Variants in SLC14A2 observed in about 807,000 individuals in gnomAD.
SLC14A2 encodes the protein urea transporter 2.
SLC14A2 carries 91 observed loss-of-function variants against 104.6 expected under a neutral mutation model. The ratio of observed to expected loss-of-function variants is 0.87; its 90% CI spans 0.73 to 1.04. The LOEUF is 1.04. Ranked by LOEUF, SLC14A2 falls within the 50% of genes least tolerant of loss-of-function variation. The pLI, the probability that SLC14A2 is intolerant of heterozygous loss-of-function variation, is 0.00. For missense variants in SLC14A2, 1,189 were observed against 1,156.0 expected (o/e 1.03, Z -0.41); for synonymous variants, 476 against 466.4 (o/e 1.02, Z -0.27).
intron 1 of SLC14A2, among the ~76,000 whole-genome samples, chr18:45,275,658 A>C (rs1473637359): frequency 6.6e-6 from 1 of 152,236 alleles, no homozygotes; most frequent in East Asian, 1.9e-4. Flanking sequence ...AAGGTGCTCC[A>C]AAAAAGTGAC....
chr18:45,265,012 G>A (rs2084577627), intron 1 of SLC14A2, among the ~76,000 whole-genome samples: 1 of 152,194 alleles, frequency 6.6e-6, no homozygotes, highest in South Asian at 2.1e-4. Context: ...AAGATGGTGA[G>A]AAGTTCAGGA....
At chr18:45,491,908 T>C (rs2043009157) in intron 2 of SLC14A2, among the ~76,000 whole-genome samples, 1 of 152,228 alleles carries the variant, frequency 6.6e-6, no homozygotes, top group East Asian at 1.9e-4. Context: ...GAGCTAGGAA[T>C]GGGGTTTAGA....
intron 18 of SLC14A2, among the ~76,000 whole-genome samples, chr18:45,676,387 C>A (rs1031597886): frequency 2.0e-5 from 3 of 152,140 alleles, no homozygotes; most frequent in African/African-American, 7.2e-5. Context: ...ATCTAGGATA[C>A]CAGCTGGGAA....
intron 1 of SLC14A2, among the ~76,000 whole-genome samples, chr18:45,465,065 A>G (rs1049375178): frequency 1.3e-5 from 2 of 152,206 alleles, no homozygotes; most frequent in African/African-American, 4.8e-5. Flanking sequence ...AGGGACAGCT[A>G]GAGAAATAAT....
chr18:45,487,802 T>C (rs2087637950), intron 2 of SLC14A2, among the ~76,000 whole-genome samples: 2 of 152,160 alleles, frequency 1.3e-5, no homozygotes, highest in Non-Finnish European at 2.9e-5. Flanking sequence ...CTTTAAACTC[T>C]TTCTCTGATT....
At chr18:45,489,254 T>C (rs2087673130) in intron 2 of SLC14A2, among the ~76,000 whole-genome samples, 1 of 152,194 alleles carries the variant, frequency 6.6e-6, no homozygotes, top group South Asian at 2.1e-4. Context: ...ATGCTACTTA[T>C]AATCCCAGCA....
intron 2 of SLC14A2, among the ~76,000 whole-genome samples, chr18:45,505,357 T>C (rs955696377): frequency 5.9e-5 from 9 of 152,074 alleles, no homozygotes; most frequent in African/African-American, 2.2e-4. Flanking sequence ...CTGCTATCCA[T>C]GTAAATTCAT....
At chr18:45,396,193 A>G (rs1316682779) in intron 1 of SLC14A2, among the ~76,000 whole-genome samples, 4 of 152,114 alleles carry the variant, frequency 2.6e-5, no homozygotes, top group African/African-American at 9.7e-5. Context: ...TAAAATGCAT[A>G]TTGTTTATTC....
upstream of SLC14A2, among the ~76,000 whole-genome samples, chr18:45,613,228 G>T (rs1433114225): frequency 2.0e-5 from 3 of 152,000 alleles, no homozygotes; most frequent in Admixed American, 6.6e-5. Context: ...TAGAGATGGG[G>T]TTTCACCGTG....
intron 2 of SLC14A2, among the ~76,000 whole-genome samples, chr18:45,516,054 C>T (rs2144798252): frequency 6.6e-6 from 1 of 152,324 alleles, no homozygotes; most frequent in African/African-American, 2.4e-5. Flanking sequence ...TTCTGAAATT[C>T]TCCATACAAA....
intron 1 of SLC14A2, among the ~76,000 whole-genome samples, chr18:45,230,000 A>G (rs980503593): frequency 4.6e-5 from 7 of 152,214 alleles, no homozygotes; most frequent in Non-Finnish European, 7.3e-5. Context: ...ACAATAAAAC[A>G]TATCTCAAAC....
chr18:45,442,999 ATGGTTT>A (rs879561338), intron 1 of SLC14A2, among the ~76,000 whole-genome samples: 103 of 152,318 alleles, frequency 6.8e-4, no homozygotes, highest in Non-Finnish European at 1.2e-3. Context: ...GCACATATGT[ATGGTTT>A]TATATGTGCA....
In SLC14A2 at chr18:45,632,432, T is replaced by C; in HGVS notation, c.604T>C (p.Tyr202His). Residue 202 changes from tyrosine (Y) to histidine (H), a missense_variant, in exon 5 of 20, where the codon TAC becomes CAC. Coordinates refer to ENST00000255226, the MANE Select transcript of SLC14A2 (RefSeq NM_007163.4). The stretch of plus-strand genomic sequence containing the variant: ...GGCCGTGTTCTCGGAGAAGTTAGAC[T>C]ACTACTGGTGGCTTCTGTTTCCTGT... ...LMAVFSEKLD[Y>H]YWWLLFPVTF... The C allele has an allele frequency of 1.2e-6, 2 of 1,614,108 alleles. No individual in the cohort carries two copies. The highest frequency in any genetic ancestry group is 1.7e-6 in the Non-Finnish European group (2 of 1,179,982).
chr18:45,517,653 G>A (rs894801882), intron 2 of SLC14A2, among the ~76,000 whole-genome samples: 2 of 152,136 alleles, frequency 1.3e-5, no homozygotes, highest in Admixed American at 6.5e-5. Context: ...CGGTGAAGGC[G>A]GCCACCAATG....
intron 1 of SLC14A2, among the ~76,000 whole-genome samples, chr18:45,424,935 T>TA (rs1251810170): frequency 2.6e-5 from 4 of 152,332 alleles, no homozygotes; most frequent in Admixed American, 2.0e-4. Flanking sequence ...TGCTGGGGGC[T>TA]ATTTCTCTTG....
At chr18:45,448,059 A>G (rs2086798344) in intron 1 of SLC14A2, among the ~76,000 whole-genome samples, 1 of 152,272 alleles carries the variant, frequency 6.6e-6, no homozygotes, top group Non-Finnish European at 1.5e-5. Flanking sequence ...TAGATTATCC[A>G]TGATCATTGC....
At chr18:45,484,613 A>G (rs1290926296) in intron 2 of SLC14A2, among the ~76,000 whole-genome samples, 1 of 152,156 alleles carries the variant, frequency 6.6e-6, no homozygotes, top group East Asian at 1.9e-4. Context: ...ACAAGGTCCT[A>G]AAGATTCTAG....
chr18:45,245,052 C>A (rs536236384), intron 1 of SLC14A2, among the ~76,000 whole-genome samples: 1 of 152,344 alleles, frequency 6.6e-6, no homozygotes, highest in South Asian at 2.1e-4. Context: ...CTCAGACATA[C>A]TCATCACACA....
chr18:45,437,664 T>C (rs1173706150), intron 1 of SLC14A2, among the ~76,000 whole-genome samples: 4 of 152,232 alleles, frequency 2.6e-5, no homozygotes, highest in African/African-American at 9.6e-5. Flanking sequence ...TGTTGTGTTG[T>C]GTGCTTACTA....
Sources: gnomAD v4.1 joint callset for allele counts (sites outside exome capture counted in the v4.1 genomes callset) on GRCh38, gnomAD v4.1.1 for gene constraint, MANE v1.5 for transcripts, NCBI Gene and HGNC (gene_info 2026-07-23, HGNC 2026-07-21) for gene names.